The following OPCML variants were observed in gnomAD, a reference collection of about 807,000 sequenced individuals.
The protein encoded by OPCML is opioid-binding protein/cell adhesion molecule.
OPCML carries 13 observed loss-of-function variants against 37.8 expected under a neutral mutation model. That is an observed-to-expected ratio of 0.34 (90% CI 0.22 to 0.55). OPCML has a LOEUF of 0.55. Ranked by LOEUF, OPCML falls within the 20% of genes least tolerant of loss-of-function variation. The pLI, the probability that OPCML is intolerant of heterozygous loss-of-function variation, is 0.91. For missense variants in OPCML, 341 were observed against 435.6 expected (o/e 0.78, Z 1.93); for synonymous variants, 176 against 168.8 (o/e 1.04, Z -0.33).
At chr11:132,883,106 G>A (rs949594712) in intron 2 of OPCML, among the ~76,000 whole-genome samples, 1 of 152,002 alleles carries the variant, frequency 6.6e-6, no homozygotes. Context: ...AGGTACTCCC[G>A]GAAGGAAGAA....
intron 1 of OPCML, among the ~76,000 whole-genome samples, chr11:133,303,795 GT>G (rs1186042499): frequency 1.4e-4 from 21 of 152,282 alleles, no homozygotes; most frequent in African/African-American, 5.1e-4. Flanking sequence ...AAAAAAAAAG[GT>G]GGAAGACACT....
intron 1 of OPCML, among the ~76,000 whole-genome samples, chr11:133,166,335 G>A (rs1308119199): frequency 6.6e-6 from 1 of 152,152 alleles, no homozygotes; most frequent in African/African-American, 2.4e-5. Flanking sequence ...CAATAGCCAG[G>A]TAGTAGTAAG....
chr11:133,324,202 C>T (rs1000983896), intron 1 of OPCML, among the ~76,000 whole-genome samples: 10 of 152,152 alleles, frequency 6.6e-5, no homozygotes, highest in African/African-American at 1.9e-4. Flanking sequence ...CTGTGGTTCT[C>T]CCTGAATATT....
At chr11:133,464,094 T>A (rs1224413176) in intron 1 of OPCML, among the ~76,000 whole-genome samples, 1 of 152,104 alleles carries the variant, frequency 6.6e-6, no homozygotes, top group Non-Finnish European at 1.5e-5. Context: ...CCAACTCCAA[T>A]CCATCCTGCA....
intron 7 of OPCML, among the ~76,000 whole-genome samples, chr11:132,421,257 G>A (rs751969859): frequency 2.0e-5 from 3 of 152,152 alleles, no homozygotes; most frequent in Non-Finnish European, 2.9e-5. Context: ...CCCAGAAAAA[G>A]CAAAATCTAT....
chr11:132,822,525 C>T (rs535865184), intron 2 of OPCML, among the ~76,000 whole-genome samples: 13 of 150,850 alleles, frequency 8.6e-5, no homozygotes, highest in South Asian at 6.3e-4. Context: ...TGTGTGTGTG[C>T]GCGCACACAC....
At chr11:132,813,225 T>C (rs1404332813) in intron 2 of OPCML, among the ~76,000 whole-genome samples, 1 of 152,214 alleles carries the variant, frequency 6.6e-6, no homozygotes, top group Non-Finnish European at 1.5e-5. Flanking sequence ...AAAGATCATG[T>C]CCATCTGCAT....
At chr11:132,564,466 C>T (rs930646835) in intron 3 of OPCML, among the ~76,000 whole-genome samples, 1 of 152,194 alleles carries the variant, frequency 6.6e-6, no homozygotes, top group African/African-American at 2.4e-5. Context: ...TTCTGAATCT[C>T]TCCATCATTT....
chr11:132,960,813 C>T (rs188184008), intron 1 of OPCML, among the ~76,000 whole-genome samples: 2 of 152,358 alleles, frequency 1.3e-5, no homozygotes, highest in East Asian at 3.9e-4. Context: ...GTGATTTGGT[C>T]TGACATCTTT....
rs1263539074 is a variant in OPCML, at chr11:132,910,262, G to A, written c.146+32664C>T. On this transcript the variant is annotated intron_variant, in intron 2 of 7. Coordinates refer to ENST00000524381, the MANE Select transcript of OPCML (RefSeq NM_001012393.5). ...AGTGGTACAGCAGGGCTGGGGGTAG[G>A]GGGCCTCAGCACATATTCGCCGGCC... Among the ~76,000 whole-genome samples the A allele has an allele frequency of 2.0e-5, 3 of 152,226 alleles. No individual in the cohort carries two copies. In the South Asian group the frequency reaches 6.2e-4, roughly 32 times the overall value.
chr11:133,468,507 G>T (rs1565651309), intron 1 of OPCML, among the ~76,000 whole-genome samples: 1 of 152,228 alleles, frequency 6.6e-6, no homozygotes, highest in African/African-American at 2.4e-5. Flanking sequence ...GCCAAGGGTA[G>T]CATTGGCTGC....
At chr11:133,278,741 T>TAAA (rs34058312) in intron 1 of OPCML, among the ~76,000 whole-genome samples, 2 of 150,092 alleles carry the variant, frequency 1.3e-5, no homozygotes, top group African/African-American at 4.9e-5. Flanking sequence ...TTTGTTTGAT[T>TAAA]AAAAAAAAAA....
chr11:133,329,489 T>C (rs1378128331), intron 1 of OPCML, among the ~76,000 whole-genome samples: 2 of 152,162 alleles, frequency 1.3e-5, no homozygotes, highest in Non-Finnish European at 2.9e-5. Context: ...AACAGAGATA[T>C]AGACCAATGG....
intron 1 of OPCML, among the ~76,000 whole-genome samples, chr11:133,182,315 G>T (rs1202713832): frequency 6.6e-6 from 1 of 152,078 alleles, no homozygotes; most frequent in East Asian, 1.9e-4. Flanking sequence ...TATTATTTTG[G>T]TGCTAGAAAA....
At chr11:132,981,487 G>A (rs569593155) in intron 1 of OPCML, among the ~76,000 whole-genome samples, 2 of 152,228 alleles carry the variant, frequency 1.3e-5, no homozygotes, top group South Asian at 2.1e-4. Context: ...GGGCACTGGC[G>A]GGAAAGGGCC....
intron 1 of OPCML, among the ~76,000 whole-genome samples, chr11:133,303,740 C>T (rs1000640335): frequency 6.6e-6 from 1 of 151,790 alleles, no homozygotes; most frequent in African/African-American, 2.4e-5. Context: ...GAGAGAGCAG[C>T]TTGAAATGTG....
At chr11:133,327,586 T>C (rs371572761) in intron 1 of OPCML, among the ~76,000 whole-genome samples, 14 of 152,156 alleles carry the variant, frequency 9.2e-5, no homozygotes, top group African/African-American at 3.4e-4. Context: ...CTTTAGTTTA[T>C]GCTCATTTTC....
intron 2 of OPCML, among the ~76,000 whole-genome samples, chr11:132,723,897 A>T (rs1422996780): frequency 6.6e-6 from 1 of 152,154 alleles, no homozygotes; most frequent in Non-Finnish European, 1.5e-5. Flanking sequence ...GGGGTGGAAA[A>T]TCTGCAGAGG....
intron 1 of OPCML, among the ~76,000 whole-genome samples, chr11:133,323,964 T>C (rs996574322): frequency 6.6e-6 from 1 of 152,216 alleles, no homozygotes; most frequent in Non-Finnish European, 1.5e-5. Flanking sequence ...GGGAGGTTAT[T>C]TGTTCTCTCA....
Sources: allele counts gnomAD v4.1 joint callset (sites outside exome capture counted in the v4.1 genomes callset), GRCh38; gene constraint gnomAD v4.1.1; transcripts MANE v1.5; gene names NCBI Gene and HGNC (gene_info 2026-07-23, HGNC 2026-07-21).